Variants in MND1 observed in about 807,000 individuals in gnomAD.
MND1 encodes meiotic nuclear division protein 1 homolog.
In MND1, 28 loss-of-function variants were observed where a neutral mutation model predicts 35.1. The ratio of observed to expected loss-of-function variants is 0.80; its 90% confidence interval spans 0.59 to 1.09. The LOEUF is 1.09. Ranked by LOEUF, MND1 falls within the 50% of genes least tolerant of loss-of-function variation. The pLI is 0.00. For synonymous variants in MND1, 69 were observed against 70.5 expected (o/e 0.98, Z 0.11); for missense variants, 213 against 239.6 (o/e 0.89, Z 0.73).
intron 4 of MND1, among the ~76,000 whole-genome samples, chr4:153,389,690 C>A (rs577197945): frequency 4.6e-5 from 7 of 152,248 alleles, no homozygotes; most frequent in African/African-American, 1.7e-4. Flanking sequence ...AGGCTATCAC[C>A]TCTCTATTTT....
chr4:153,382,836 G>A (rs966190705), intron 4 of MND1, among the ~76,000 whole-genome samples: 1 of 152,090 alleles, frequency 6.6e-6, no homozygotes, highest in African/African-American at 2.4e-5. Context: ...AATTTCAATG[G>A]TGGACAATCT....
At chr4:153,382,671 TA>T (rs1728741744) in intron 4 of MND1, among the ~76,000 whole-genome samples, 1 of 152,378 alleles carries the variant, frequency 6.6e-6, no homozygotes, top group Non-Finnish European at 1.5e-5. Context: ...TAATTCTATT[TA>T]AGTAGAAATT....
intron 6 of MND1, among the ~76,000 whole-genome samples, chr4:153,404,652 C>T (rs6830530): frequency 0.29 from 44,035 of 150,482 alleles, 7,552 homozygotes; most frequent in African/African-American, 0.48. Flanking sequence ...TTTTTTTTTG[C>T]ATTTTTAGTA....
At chr4:153,394,038 C>T (rs1729129905) in intron 4 of MND1, among the ~76,000 whole-genome samples, 1 of 144,690 alleles carries the variant, frequency 6.9e-6, no homozygotes, top group Non-Finnish European at 1.5e-5. Context: ...GCGGGGACTA[C>T]AGGTGTGCGC....
chr4:153,344,649 A>C (rs1773022723), upstream of MND1: 2 of 1,197,534 alleles, frequency 1.7e-6, no homozygotes, highest in Admixed American at 2.5e-5. Flanking sequence ...CCCGCGGCGT[A>C]GTCGGCGCCA....
At position 153,345,279 on chromosome 4, in the gene MND1, T is replaced by C. The variant is rs549224307; in HGVS notation, c.3+539T>C. 1.0e-5 allele frequency: 10 copies of C among 953,764 alleles called. No individual in the cohort carries two copies. In the South Asian group the frequency reaches 4.4e-4, roughly 42 times the overall value. 59.1% of individuals were successfully genotyped at this position (953,764 alleles called of 1,614,324 possible). A position where few individuals can be genotyped will look rare whatever the true frequency, so the allele number is the denominator to read the frequency against. On this transcript the variant is annotated intron_variant, in intron 1 of 7. Transcript: ENST00000240488. The stretch of plus-strand genomic sequence containing the variant: ...TGTCACCATTGAGTGGTTTTCTGTA[T>C]TGTAATATGTAGAGCACATTCCAGA...
chr4:153,412,849 G>C (rs1729725937), intron 7 of MND1, among the ~76,000 whole-genome samples: 1 of 147,948 alleles, frequency 6.8e-6, no homozygotes, highest in African/African-American at 2.5e-5. Context: ...TTTGTCGCCA[G>C]GCTGGAGTGT....
chr4:153,394,327 A>C lies in MND1; in HGVS notation c.342A>C (p.Arg114=), dbSNP rs1448530093. ...QKSIEKAKIG[R]CETEERTRLA... ...GCATTGAGAAAGCTAAAATTGGCCGATGTGAAACGGTAAGTTTGTGTCTAT... is the reference window on the plus strand; with the variant it reads ...GCATTGAGAAAGCTAAAATTGGCCGCTGTGAAACGGTAAGTTTGTGTCTAT... The change falls in exon 5 of 8, where the codon CGA becomes CGC. Residue 114 remains arginine (R), a synonymous_variant. Coordinates refer to ENST00000240488, the MANE Select transcript of MND1 (RefSeq NM_032117.4). The C allele has an allele frequency of 6.2e-7, 1 of 1,611,730 alleles. No individual in the cohort carries two copies. Among genetic ancestry groups the C allele is most frequent in the Admixed American group, 1.7e-5 (1 of 59,876 alleles).
chr4:153,348,244 G>A (rs554218694), intron 1 of MND1, among the ~76,000 whole-genome samples: 1 of 152,288 alleles, frequency 6.6e-6, no homozygotes, highest in East Asian at 1.9e-4. Context: ...TAGGATGACT[G>A]TCAGGCCTCT....
intron 4 of MND1, among the ~76,000 whole-genome samples, chr4:153,368,809 T>TA (rs5863042): frequency 0.061 from 9,298 of 151,708 alleles, 407 homozygotes; most frequent in Admixed American, 0.13. Context: ...TTGTAGCCTT[T>TA]AAAAAAAAAG....
intron 4 of MND1, among the ~76,000 whole-genome samples, chr4:153,359,704 A>G (rs1345667478): frequency 1.3e-5 from 2 of 150,198 alleles, no homozygotes; most frequent in Non-Finnish European, 3.0e-5. Flanking sequence ...TATTTTAGCC[A>G]TTCTAATAGA....
intron 1 of MND1, among the ~76,000 whole-genome samples, chr4:153,347,931 GC>G (rs1312785339): frequency 6.6e-6 from 1 of 152,136 alleles, no homozygotes; most frequent in Non-Finnish European, 1.5e-5. Flanking sequence ...GTGATAAAGG[GC>G]CTTGTATATC....
intron 4 of MND1, among the ~76,000 whole-genome samples, chr4:153,387,297 G>A (rs1254114473): frequency 2.0e-5 from 3 of 152,082 alleles, no homozygotes; most frequent in Non-Finnish European, 4.4e-5. Context: ...CATTGGTTGT[G>A]TAATTATGAC....
intron 4 of MND1, among the ~76,000 whole-genome samples, chr4:153,377,252 G>A (rs1241093131): frequency 1.3e-5 from 2 of 152,096 alleles, no homozygotes; most frequent in East Asian, 3.8e-4. Flanking sequence ...GGTTTAGGGA[G>A]GACACTAACA....
chr4:153,367,289 T>G (rs1040078868), intron 4 of MND1, among the ~76,000 whole-genome samples: 3 of 152,204 alleles, frequency 2.0e-5, no homozygotes, highest in African/African-American at 7.2e-5. Flanking sequence ...ACTCTTTAGC[T>G]ATTATTCTGA....
intron 4 of MND1, among the ~76,000 whole-genome samples, chr4:153,385,730 A>AAAAAG (rs1554011823): frequency 6.0e-5 from 9 of 150,762 alleles, no homozygotes; most frequent in Admixed American, 2.0e-4. Flanking sequence ...AAAAAAAAAA[A>AAAAAG]AAAAGAAAAG....
At chr4:153,363,404 G>A (rs1187126344) in intron 4 of MND1, among the ~76,000 whole-genome samples, 2 of 152,006 alleles carry the variant, frequency 1.3e-5, no homozygotes, top group Non-Finnish European at 2.9e-5. Context: ...TAGAGACAGG[G>A]TTTTGCCGCT....
chr4:153,392,338 C>G (rs1729070564), intron 4 of MND1, among the ~76,000 whole-genome samples: 2 of 152,086 alleles, frequency 1.3e-5, no homozygotes, highest in African/African-American at 4.8e-5. Context: ...ATCTCCTGAC[C>G]TCGTGATCGG....
intron 1 of MND1, among the ~76,000 whole-genome samples, chr4:153,345,985 T>TG (rs1324220968): frequency 1.3e-5 from 2 of 152,236 alleles, no homozygotes; most frequent in African/African-American, 4.8e-5. Flanking sequence ...ATGAATCACC[T>TG]GCTAATACTA....
Sources: gnomAD v4.1 joint callset for allele counts (sites outside exome capture counted in the v4.1 genomes callset) on GRCh38, gnomAD v4.1.1 for gene constraint, MANE v1.5 for transcripts, NCBI Gene and HGNC (gene_info 2026-07-23, HGNC 2026-07-21) for gene names.